ARAP1: variants seen among roughly 807,000 people sequenced by gnomAD.
ARAP1 encodes the protein ArfGAP with RhoGAP domain, ankyrin repeat and PH domain 1.
A neutral mutation model predicts 172.2 loss-of-function variants in ARAP1; 76 were observed. The observed-to-expected ratio is 0.44, with a 90% CI of 0.37 to 0.53. ARAP1 has a LOEUF of 0.53. ARAP1 is among the 20% of genes least tolerant of loss of function. The pLI is 0.00. For synonymous variants in ARAP1, 804 were observed against 803.3 expected (o/e 1.00, Z -0.01); for missense variants, 1,686 against 1,977.5 (o/e 0.85, Z 2.80).
chr11:72,691,749 A>G (rs7944113), intron 30 of ARAP1, among the ~76,000 whole-genome samples: 135,800 of 152,142 alleles, frequency 0.89, 61,028 homozygotes, highest in African/African-American at 0.94. Flanking sequence ...CTAGACCACC[A>G]GGCTTGGAAC....
intron 2 of ARAP1, among the ~76,000 whole-genome samples, 197 bp from the exon 3 acceptor site, chr11:72,727,369 C>T (rs141464826): frequency 6.6e-6 from 1 of 152,334 alleles, no homozygotes; most frequent in Non-Finnish European, 1.5e-5. Flanking sequence ...CCTGAACCCC[C>T]TCACCCCTTC....
chr11:72,735,873 GA>G lies in ARAP1; in HGVS notation c.-127-3277del, dbSNP rs570592099. Among the ~76,000 whole-genome samples the G allele has an allele frequency of 2.5e-3, 383 of 152,320 alleles. 1 individual carries two copies. Among genetic ancestry groups the G allele is most frequent in the African/African-American group, 8.6e-3 (356 of 41,564 alleles). On this transcript the variant is annotated intron_variant, in intron 1 of 34. Transcript: ENST00000393609. ...GCCATGTTCAAGGCACTGGAAGCAT[GA>G]ACCAGACCTCAGACCTGGACTGGCC...
Position 72,710,502 on chromosome 11 carries a change from C to T in ARAP1, c.1299G>A (p.Leu433=), listed in dbSNP as rs1856965417. The change falls in exon 10 of 35, where the codon CTG becomes CTA. Residue 433 remains leucine (L), a synonymous_variant. Transcript: ENST00000393609. This position sits in a 1 kb window ranked among gnomAD's most constrained non-coding sequence, Gnocchi z 4.3. ...CAGGCTGCTCTGAGCCTGGAACTCC[C>T]AGCAGATAAGCGCTAGAGAGCCGGG... is the stretch of plus-strand genomic sequence containing the variant. ...ARARLSSAYL[L]GVPGSEQPDR... 3 of 1,613,964 alleles carry T rather than the reference C, an allele frequency of 1.9e-6. No individual in the cohort carries two copies. The highest frequency in any genetic ancestry group is 2.5e-6 in the Non-Finnish European group (3 of 1,180,006).
chr11:72,748,362 A>G (rs1341246994), intron 1 of ARAP1, among the ~76,000 whole-genome samples: 1 of 152,126 alleles, frequency 6.6e-6, no homozygotes, highest in South Asian at 2.1e-4. Context: ...TCTACTAAAA[A>G]TACAAAAATT....
intron 1 of ARAP1, among the ~76,000 whole-genome samples, chr11:72,750,489 C>G (rs1190084412): frequency 6.6e-6 from 1 of 151,968 alleles, no homozygotes; most frequent in Non-Finnish European, 1.5e-5. Flanking sequence ...TCTCAGACAC[C>G]CCCCCAACCC....
At chr11:72,706,987 G>C (rs775298727) in intron 12 of ARAP1, among the ~76,000 whole-genome samples, 188 bp downstream of exon 12, 25 of 152,246 alleles carry the variant, frequency 1.6e-4, no homozygotes, top group South Asian at 4.1e-4. Flanking sequence ...CGTGATGGGA[G>C]AAGTTGAACC....
intron 1 of ARAP1, among the ~76,000 whole-genome samples, chr11:72,750,833 C>T (rs1376577212): frequency 6.6e-6 from 1 of 152,222 alleles, no homozygotes; most frequent in African/African-American, 2.4e-5. Flanking sequence ...TAAGCTGTGC[C>T]ATTACACAAG....
rs138896751 is a variant in ARAP1 at position 72,698,297 on chromosome 11, C to T, written c.2542-191G>A. Reference sequence around the variant, plus strand: ...CACTTCATACCCACTCAGATGTGCCCGCCTCTGGAAAGCCTTCCCAGACAC... The same window carrying T: ...CACTTCATACCCACTCAGATGTGCCTGCCTCTGGAAAGCCTTCCCAGACAC... On this transcript the variant is annotated intron_variant, in intron 18 of 34. Coordinates refer to ENST00000393609, the MANE Select transcript of ARAP1 (RefSeq NM_001040118.3). Among the ~76,000 whole-genome samples the T allele has an allele frequency of 2.2e-4, 34 of 152,300 alleles. No homozygotes were observed. The East Asian group carries it at 5.8e-3, about 26-fold the overall frequency.
At chr11:72,704,641 A>C (rs1591194120) in intron 13 of ARAP1, 1 of 332,028 alleles carries the variant, frequency 3.0e-6, no homozygotes, top group South Asian at 5.0e-5. Flanking sequence ...CCAGTTCCAC[A>C]TCTGGAGCTC....
chr11:72,703,418 G>GGGGGGGGGGGGGGGT (rs1856601722), intron 14 of ARAP1: 1 of 147,896 alleles, frequency 6.8e-6, no homozygotes, highest in African/African-American at 2.9e-5. Flanking sequence ...CGGGGGGGGG[G>GGGGGGGGGGGGGGGT]TGTGCTTTGT....
At chr11:72,724,218 A>C (rs1857620668) in intron 3 of ARAP1, among the ~76,000 whole-genome samples, 1 of 152,004 alleles carries the variant, frequency 6.6e-6, no homozygotes, top group African/African-American at 2.4e-5. Context: ...GCACACACAG[A>C]CTGGCCCAGA....
Position 72,741,185 on chromosome 11 carries a change from A to C in ARAP1, c.-127-8588T>G, listed in dbSNP as rs1255642547. ...CCTGCCCTGCATCCACACTGCCCCC[A>C]TTCAACCCAGGCCCCTCAGCTTGCC... On this transcript the variant is annotated intron_variant, in intron 1 of 34. Transcript: ENST00000393609. This position sits in a 1 kb window ranked among gnomAD's most constrained non-coding sequence, Gnocchi z 4.5. Among the ~76,000 whole-genome samples, 1 of 150,898 alleles carries C rather than the reference A, an allele frequency of 6.6e-6. No homozygotes were observed. The highest frequency in any genetic ancestry group is 6.6e-5 in the Admixed American group (1 of 15,186).
intron 33 of ARAP1, among the ~76,000 whole-genome samples, chr11:72,687,048 C>T (rs924008671): frequency 2.6e-5 from 4 of 152,200 alleles, no homozygotes; most frequent in African/African-American, 9.6e-5. Context: ...CTAAACCGTT[C>T]CCTCTGCCTA....
intron 30 of ARAP1, among the ~76,000 whole-genome samples, chr11:72,689,719 G>C (rs1465929079): frequency 1.3e-5 from 2 of 152,208 alleles, no homozygotes; most frequent in African/African-American, 2.4e-5. Context: ...CTGCTGATTG[G>C]AAAGCCTCAT....
chr11:72,735,231 C>T (rs1287972387), intron 1 of ARAP1, among the ~76,000 whole-genome samples: 1 of 152,060 alleles, frequency 6.6e-6, no homozygotes, highest in Non-Finnish European at 1.5e-5. Flanking sequence ...ATCTACCTGC[C>T]TCTGCCTCCC....
intron 3 of ARAP1, among the ~76,000 whole-genome samples, chr11:72,723,907 C>T (rs1857607730): frequency 6.6e-6 from 1 of 152,222 alleles, no homozygotes; most frequent in Non-Finnish European, 1.5e-5. Context: ...CACGTGCACA[C>T]ACTGGCTCAA....
intron 1 of ARAP1, among the ~76,000 whole-genome samples, chr11:72,746,350 C>T (rs914722911): frequency 5.3e-5 from 8 of 152,174 alleles, no homozygotes; most frequent in East Asian, 3.9e-4. Flanking sequence ...AGGGAGCACC[C>T]GGCACCTGGA....
At chr11:72,737,612 CT>C (rs1387062678) in intron 1 of ARAP1, among the ~76,000 whole-genome samples, 1 of 151,658 alleles carries the variant, frequency 6.6e-6, no homozygotes, top group Non-Finnish European at 1.5e-5. Context: ...AGATTTTCTC[CT>C]TCATCTCATT....
intron 3 of ARAP1, among the ~76,000 whole-genome samples, chr11:72,718,678 G>T (rs1857387897): frequency 6.6e-6 from 1 of 152,136 alleles, no homozygotes; most frequent in African/African-American, 2.4e-5. Flanking sequence ...GGCACCCCGG[G>T]CAGCTAAGGG....
Sources: allele counts gnomAD v4.1 joint callset (sites outside exome capture counted in the v4.1 genomes callset), GRCh38; gene constraint gnomAD v4.1.1; non-coding constraint Gnocchi (gnomAD v3.1); transcripts MANE v1.5; gene names NCBI Gene and HGNC (gene_info 2026-07-23, HGNC 2026-07-21).